LARS1: variants seen among roughly 807,000 people sequenced by gnomAD.
LARS1 encodes the protein leucyl-tRNA synthetase 1, also known as leucine--tRNA ligase, cytoplasmic.
A neutral mutation model predicts 162.8 loss-of-function variants in LARS1; 100 were observed. The observed-to-expected ratio is 0.61, with a 90% confidence interval of 0.52 to 0.73. The LOEUF is 0.73. Among genes scored for constraint, LARS1 ranks in the 30% least tolerant of loss-of-function variants. The pLI, the probability that LARS1 is intolerant of heterozygous loss-of-function variation, is 0.00. For synonymous variants in LARS1, 457 were observed against 462.8 expected (o/e 0.99, Z 0.16); for missense variants, 1,258 against 1,408.9 (o/e 0.89, Z 1.71).
chr5:146,168,303 A>G, intron 4 of LARS1, 38 bp from the exon 5 acceptor site: 1 of 1,564,898 alleles, frequency 6.4e-7, no homozygotes. Flanking sequence ...TTCAAAATCA[A>G]GGTAGACACA....
rs1752938884 is a variant in LARS1, at chr5:146,144,724, A to T, written c.1504-15T>A. ...AGTGCATCTCCCTAAAGGAAGGTAA[A>T]TAAACATACATTAGATACTATGTCA... On this transcript the variant is annotated splice_polypyrimidine_tract_variant and intron_variant, in intron 15 of 31. Transcript: ENST00000394434. 1 of 1,590,432 alleles carries T rather than the reference A, an allele frequency of 6.3e-7. No homozygotes were observed.
At chr5:146,179,823 G>A (rs1230779893) in intron 1 of LARS1, 1 of 213,612 alleles carries the variant, frequency 4.7e-6, no homozygotes, top group East Asian at 1.6e-4. Flanking sequence ...GGCTGGTCTT[G>A]AACTCCTAGG....
intron 22 of LARS1, among the ~76,000 whole-genome samples, chr5:146,135,299 G>A (rs1034968190): frequency 2.0e-5 from 3 of 151,742 alleles, no homozygotes; most frequent in African/African-American, 2.4e-5. Flanking sequence ...TTACAGGCGT[G>A]AGCCACCGCG....
intron 4 of LARS1, 23 bp downstream of exon 4, chr5:146,171,887 A>G (rs1178717749): frequency 1.3e-6 from 2 of 1,579,354 alleles, no homozygotes; most frequent in Non-Finnish European, 1.7e-6. Flanking sequence ...AAGAGTAGAA[A>G]CCAATCCTAT....
intron 2 of LARS1, among the ~76,000 whole-genome samples, chr5:146,174,449 T>TATATATATATATATCC: frequency 8.9e-6 from 1 of 111,928 alleles, no homozygotes; most frequent in African/African-American, 3.0e-5. Flanking sequence ...CTGTCTCAAA[T>TATATATATATATATCC]ATATATATAT....
At chr5:146,165,692 T>A (rs1269026199) in intron 5 of LARS1, among the ~76,000 whole-genome samples, 3 of 152,150 alleles carry the variant, frequency 2.0e-5, no homozygotes, top group Non-Finnish European at 4.4e-5. Flanking sequence ...AGAAAGGAGC[T>A]GATCTAGGCA....
rs776910114 is a variant in LARS1 at position 146,129,123 on chromosome 5, T to TA, written c.2629-6dup. On this transcript the variant is annotated splice_region_variant and splice_polypyrimidine_tract_variant and intron_variant, in intron 25 of 31. Transcript: ENST00000394434. ...AGCATTCATAATTGAGTCAGGCTTT[T>TA]AAAAAAAGAAAAACAAAAAAACCTT... 1 of 1,563,206 alleles carries TA rather than the reference T, an allele frequency of 6.4e-7. No homozygotes were observed. The highest frequency in any genetic ancestry group is 2.2e-5 in the Admixed American group (1 of 45,860).
chr5:146,132,652 C>A (rs1752335159), intron 23 of LARS1: 2 of 319,186 alleles, frequency 6.3e-6, no homozygotes, highest in East Asian at 5.2e-5. Flanking sequence ...GCTTCAGTTT[C>A]TTTATTTATA....
At chr5:146,156,720 G>C (rs1203130385) in intron 10 of LARS1, among the ~76,000 whole-genome samples, 1 of 150,210 alleles carries the variant, frequency 6.7e-6, no homozygotes, top group Non-Finnish European at 1.5e-5. Context: ...ATAAAATAAA[G>C]TAGATGAGCT....
chr5:146,130,021 T>C lies in LARS1; in HGVS notation c.2625A>G (p.Gly875=). The part of the protein sequence containing the change: ...HLCEHIWTLL[G]KPDSIMNASW... ...CATTTTAAATGCATGAAGGTACCTTTCCCAGGAGTGTCCAGATGTGCTCAC... is the reference window on the plus strand; with the variant it reads ...CATTTTAAATGCATGAAGGTACCTTCCCCAGGAGTGTCCAGATGTGCTCAC... The change falls in exon 25 of 32, where the codon GGA becomes GGG. Residue 875 remains glycine (G), a synonymous_variant. Coordinates refer to ENST00000394434, the MANE Select transcript of LARS1 (RefSeq NM_020117.11). 1 of 1,607,628 alleles carries C rather than the reference T, an allele frequency of 6.2e-7. No homozygotes were observed. Among genetic ancestry groups the C allele is most frequent in the Non-Finnish European group, 8.5e-7 (1 of 1,178,296 alleles).
At chr5:146,146,704 A>G (rs1002872331) in intron 15 of LARS1, among the ~76,000 whole-genome samples, 5 of 149,090 alleles carry the variant, frequency 3.4e-5, no homozygotes, top group African/African-American at 9.9e-5. Context: ...AACTTCCAAA[A>G]TGCTCAGTTG....
At chr5:146,161,966 T>G (rs998548338) in intron 6 of LARS1, among the ~76,000 whole-genome samples, 5 of 152,208 alleles carry the variant, frequency 3.3e-5, no homozygotes, top group Admixed American at 1.3e-4. Context: ...TTATAGCAAT[T>G]CAGGCTTATC....
In LARS1 at chr5:146,120,409, A is replaced by G. The variant is rs1490506993; in HGVS notation, c.3287T>C (p.Ile1096Thr). Reference sequence around the variant, plus strand: ...ATTCATTTTCATTAAACGCCTGATTATGGAATCACAGTTATCTCCTTGCCT... The same window carrying G: ...ATTCATTTTCATTAAACGCCTGATTGTGGAATCACAGTTATCTCCTTGCCT... ...EIRQGDNCDS[I>T]IRRLMKMNRG... is the part of the protein sequence containing the mutation. Residue 1096 changes from isoleucine to threonine, a missense_variant, in exon 31 of 32, where the codon ATA becomes ACA. Coordinates refer to ENST00000394434, the MANE Select transcript of LARS1 (RefSeq NM_020117.11). 1 of 1,613,282 alleles carries G rather than the reference A, an allele frequency of 6.2e-7. No homozygotes were observed. The highest frequency in any genetic ancestry group is 8.5e-7 in the Non-Finnish European group (1 of 1,179,500).
intron 15 of LARS1, among the ~76,000 whole-genome samples, chr5:146,149,077 A>C (rs1753153204): frequency 6.6e-6 from 1 of 151,174 alleles, no homozygotes; most frequent in Non-Finnish European, 1.5e-5. Context: ...CTCCATCTCA[A>C]AAAAAAAAGA....
chr5:146,153,467 T>C (rs1212025743), intron 12 of LARS1, among the ~76,000 whole-genome samples: 2 of 152,116 alleles, frequency 1.3e-5, no homozygotes, highest in Non-Finnish European at 2.9e-5. Context: ...AAAGCAAAAA[T>C]GTACATAGAC....
At chr5:146,174,587 CATATAT>C (rs58220245) in intron 2 of LARS1, among the ~76,000 whole-genome samples, 8 of 24,746 alleles carry the variant, frequency 3.2e-4, no homozygotes, top group Non-Finnish European at 7.3e-4. Flanking sequence ...TGTATATATC[CATATAT>C]ATATATATAT....
At chr5:146,181,877 T>TTTTTTTTTC (rs1754880169) in intron 1 of LARS1, among the ~76,000 whole-genome samples, 1 of 119,604 alleles carries the variant, frequency 8.4e-6, no homozygotes, top group Admixed American at 9.8e-5. Context: ...TTTTTTTTTT[T>TTTTTTTTTC]TTGCTGTAAG....
chr5:146,153,338 TCTC>T, intron 12 of LARS1, 111 bp from the exon 13 acceptor site: 1 of 799,054 alleles, frequency 1.3e-6, no homozygotes, highest in Non-Finnish European at 2.1e-6. Context: ...TTCTATTTGT[TCTC>T]CTCTCCATAG....
rs1752854296 is a variant in LARS1 at position 146,142,961 on chromosome 5, A to G, written c.2001T>C (p.Pro667=). ...QLKQEFEFWY[P]VDLRVSGKDL... ...CCTTGCCAGAGACGCGAAGATCAACAGGATACCAGAATTCAAACTCCTGCT... is the reference window on the plus strand; with the variant it reads ...CCTTGCCAGAGACGCGAAGATCAACGGGATACCAGAATTCAAACTCCTGCT... Residue 667 remains proline (P), a synonymous_variant, in exon 20 of 32, where the codon CCT becomes CCC. Coordinates refer to ENST00000394434, the MANE Select transcript of LARS1 (RefSeq NM_020117.11). 1 of 1,614,124 alleles carries G rather than the reference A, an allele frequency of 6.2e-7. No homozygotes were observed. Among genetic ancestry groups the G allele is most frequent in the Non-Finnish European group, 8.5e-7 (1 of 1,179,980 alleles).
Sources: gnomAD v4.1 joint callset for allele counts (sites outside exome capture counted in the v4.1 genomes callset) on GRCh38, gnomAD v4.1.1 for gene constraint, MANE v1.5 for transcripts, NCBI Gene and HGNC (gene_info 2026-07-23, HGNC 2026-07-21) for gene names.